ELMO1: variants seen among roughly 807,000 people sequenced by gnomAD.
ELMO1 encodes the protein engulfment and cell motility 1.
Under a neutral mutation model 98.9 loss-of-function variants are expected in ELMO1, and 26 were observed. That is an observed-to-expected ratio of 0.26 (90% CI 0.19 to 0.36). The LOEUF is 0.36. Ranked by LOEUF, ELMO1 falls within the 10% of genes least tolerant of loss-of-function variation. ELMO1 has a pLI of 1.00. For synonymous variants in ELMO1, 346 were observed against 346.0 expected (o/e 1.00, Z 0.00); for missense variants, 627 against 935.2 (o/e 0.67, Z 4.30).
chr7:37,020,578 G>T (rs997339083), intron 15 of ELMO1, among the ~76,000 whole-genome samples: 1 of 152,004 alleles, frequency 6.6e-6, no homozygotes, highest in Non-Finnish European at 1.5e-5. Flanking sequence ...TACCATTTTC[G>T]CTCTCACAGG....
chr7:36,909,705 G>A (rs1396972408), intron 16 of ELMO1, among the ~76,000 whole-genome samples: 2 of 152,130 alleles, frequency 1.3e-5, no homozygotes, highest in African/African-American at 4.8e-5. Context: ...CCTAAGTTTT[G>A]TTTTCTGATA....
Position 37,416,717 on chromosome 7 carries a change from G to A in ELMO1, c.-74+31958C>T, listed in dbSNP as rs569947991. ...GCTTAGCTCTAGATGGAAGCCCAACGAAGAAAGTATCTCTAGTTAGTTCAT... is the reference window on the plus strand; with the variant it reads ...GCTTAGCTCTAGATGGAAGCCCAACAAAGAAAGTATCTCTAGTTAGTTCAT... On this transcript the variant is annotated intron_variant, in intron 1 of 21. Transcript: ENST00000310758. 3.3e-5 allele frequency among the ~76,000 whole-genome samples: 5 copies of A among 152,174 alleles called. No homozygotes were observed. The South Asian group carries it at 6.2e-4, about 19-fold the overall frequency.
intron 1 of ELMO1, among the ~76,000 whole-genome samples, chr7:37,427,474 A>T (rs1804756495): frequency 6.6e-6 from 1 of 152,142 alleles, no homozygotes; most frequent in Admixed American, 6.5e-5. Flanking sequence ...TAGGAATATC[A>T]CCCTCCTTCA....
In ELMO1 at chr7:36,984,691, A is replaced by G. The variant is rs550555946; in HGVS notation, c.1437+28608T>C. 4.6e-5 allele frequency among the ~76,000 whole-genome samples: 7 copies of G among 152,294 alleles called. No individual in the cohort carries two copies. The South Asian group carries it at 1.0e-3, about 23-fold the overall frequency. ...CATTTCTTCATAAACCAGATGCTTC[A>G]TTCTCTTTTCCTCTCTCCATTATTT... On this transcript the variant is annotated intron_variant, in intron 16 of 21. Transcript: ENST00000310758.
intron 14 of ELMO1, among the ~76,000 whole-genome samples, chr7:37,125,242 TA>T (rs1730497553): frequency 6.6e-6 from 1 of 152,108 alleles, no homozygotes; most frequent in African/African-American, 2.4e-5. Flanking sequence ...ACTTCATGTC[TA>T]AAACACCAAA....
chr7:36,963,516 G>T (rs1269830347), intron 16 of ELMO1, among the ~76,000 whole-genome samples: 1 of 152,130 alleles, frequency 6.6e-6, no homozygotes, highest in African/African-American at 2.4e-5. Context: ...CACAAACACA[G>T]AAAAATGTCT....
chr7:37,168,218 G>A (rs1040899307), intron 13 of ELMO1, among the ~76,000 whole-genome samples: 1 of 152,082 alleles, frequency 6.6e-6, no homozygotes, highest in African/African-American at 2.4e-5. Context: ...CTCTGTATTG[G>A]TTATTCTAGT....
Position 36,946,610 on chromosome 7 carries a change from T to C in ELMO1, c.1438-51593A>G, listed in dbSNP as rs149652198. Among the ~76,000 whole-genome samples, 520 of 152,312 alleles carry C rather than the reference T, an allele frequency of 3.4e-3. 6 individuals carry two copies. The highest frequency in any genetic ancestry group is 0.029 in the South Asian group (141 of 4,830). ...TGTTATCTGTGGTAAGGATGAGGGG[T>C]TGGGGGCTCTCCCTAAAAACCCACT... is the stretch of plus-strand genomic sequence containing the variant. On this transcript the variant is annotated intron_variant, in intron 16 of 21. Transcript: ENST00000310758.
In ELMO1 at chr7:37,295,349, T is replaced by A. The variant is rs114181572; in HGVS notation, c.192+19501A>T. ...GACAGTGGGCTGTACAAGTGTCAGT[T>A]ATATCATTTTTTGTAGTTTTTTGAT... On this transcript the variant is annotated intron_variant, in intron 4 of 21. Transcript: ENST00000310758. 9.0e-3 allele frequency among the ~76,000 whole-genome samples: 1,373 copies of A among 152,324 alleles called. 22 individuals are homozygous for A. Among genetic ancestry groups the A allele is most frequent in the African/African-American group, 0.032 (1,322 of 41,580 alleles).
rs117289937 is a variant in ELMO1, at chr7:37,109,552, G to A, written c.1192-12825C>T. Among the ~76,000 whole-genome samples the A allele has an allele frequency of 7.4e-3, 1,120 of 152,222 alleles. 49 individuals are homozygous for A. In the East Asian group the frequency reaches 0.12, roughly 16 times the overall value. On this transcript the variant is annotated intron_variant, in intron 14 of 21. Coordinates refer to ENST00000310758, the MANE Select transcript of ELMO1 (RefSeq NM_014800.11). Reference sequence around the variant, plus strand: ...TCCCCAGATAAGGCCCAGGGGATCCGGGAGTGTGAGGGTGGGGAACAGAGA... The same window carrying A: ...TCCCCAGATAAGGCCCAGGGGATCCAGGAGTGTGAGGGTGGGGAACAGAGA...
chr7:37,268,944 G>A (rs562983879), intron 5 of ELMO1, among the ~76,000 whole-genome samples: 1 of 152,354 alleles, frequency 6.6e-6, no homozygotes, highest in African/African-American at 2.4e-5. Context: ...GTGTGTGCAC[G>A]CGCAGGCGTG....
intron 16 of ELMO1, among the ~76,000 whole-genome samples, chr7:36,897,056 T>G (rs1562805755): frequency 6.6e-6 from 1 of 152,228 alleles, no homozygotes. Flanking sequence ...AAGAAGATGA[T>G]TCCCTCATGT....
chr7:36,883,365 T>C (rs529597343), intron 18 of ELMO1, among the ~76,000 whole-genome samples: 31 of 152,354 alleles, frequency 2.0e-4, no homozygotes, highest in Middle Eastern at 3.4e-3. Flanking sequence ...GGGGCAGTTC[T>C]TGAGCCTACA....
intron 6 of ELMO1, among the ~76,000 whole-genome samples, chr7:37,252,634 G>A (rs1795416070): frequency 6.6e-6 from 1 of 152,116 alleles, no homozygotes; most frequent in East Asian, 1.9e-4. Flanking sequence ...AACCCTAGAA[G>A]AATACCTAGG....
intron 15 of ELMO1, among the ~76,000 whole-genome samples, chr7:37,032,111 G>A (rs2129186571): frequency 1.3e-5 from 2 of 152,204 alleles, no homozygotes; most frequent in South Asian, 4.1e-4. Flanking sequence ...TCCTATTAGA[G>A]TGCACCCCTA....
Position 37,073,598 on chromosome 7 carries a change from G to GT in ELMO1, c.1300+23020dup, listed in dbSNP as rs34185775. On this transcript the variant is annotated intron_variant, in intron 15 of 21. Transcript: ENST00000310758. ...TGTGTGTGTGTGTGTGTGTGTGCAT[G>GT]TTTTTTTTTTTCCTTAGAGACAGGG... Among the ~76,000 whole-genome samples, 654 of 145,588 alleles carry GT rather than the reference G, an allele frequency of 4.5e-3. 2 individuals carry two copies. The highest frequency in any genetic ancestry group is 0.013 in the African/African-American group (515 of 39,754).
intron 2 of ELMO1, among the ~76,000 whole-genome samples, chr7:37,325,465 C>T (rs924202082): frequency 1.1e-4 from 17 of 152,186 alleles, no homozygotes; most frequent in African/African-American, 3.6e-4. Flanking sequence ...AAAGACGGAT[C>T]ACAGCAAGCA....
chr7:37,049,776 T>TC (rs1325779900), intron 15 of ELMO1, among the ~76,000 whole-genome samples: 3 of 143,856 alleles, frequency 2.1e-5, no homozygotes, highest in Non-Finnish European at 3.0e-5. Flanking sequence ...TTGTTTTGTT[T>TC]CTTTTTTTTT....
In ELMO1 at chr7:37,229,265, C is replaced by A. The variant is rs577766281; in HGVS notation, c.549+3830G>T. 1.9e-3 allele frequency among the ~76,000 whole-genome samples: 284 copies of A among 152,142 alleles called. 1 individual carries two copies. The highest frequency in any genetic ancestry group is 6.6e-3 in the African/African-American group (276 of 41,514). Reference sequence around the variant, plus strand: ...ATGTTATACTTGGCTAGGGAAAAACCAACTCATAACACCTAAAGTTTTTTT... The same window carrying A: ...ATGTTATACTTGGCTAGGGAAAAACAAACTCATAACACCTAAAGTTTTTTT... On this transcript the variant is annotated intron_variant, in intron 8 of 21. Coordinates refer to ENST00000310758, the MANE Select transcript of ELMO1 (RefSeq NM_014800.11).
Sources: gnomAD v4.1 joint callset for allele counts (sites outside exome capture counted in the v4.1 genomes callset) on GRCh38, gnomAD v4.1.1 for gene constraint, MANE v1.5 for transcripts, NCBI Gene and HGNC (gene_info 2026-07-23, HGNC 2026-07-21) for gene names.